Variants in DNAI4 observed in about 807,000 individuals in gnomAD.
The protein encoded by DNAI4 is dynein axonemal intermediate chain 4, also known as WD repeat domain 78.
Under a neutral mutation model 105.8 loss-of-function variants are expected in DNAI4, and 85 were observed. The ratio of observed to expected loss-of-function variants is 0.80; its 90% CI spans 0.67 to 0.96. DNAI4 has a LOEUF of 0.96. Among genes scored for constraint, DNAI4 ranks in the 40% least tolerant of loss-of-function variants. The pLI, the probability that DNAI4 is intolerant of heterozygous loss-of-function variation, is 0.00. For synonymous variants in DNAI4, 352 were observed against 331.5 expected (o/e 1.06, Z -0.67); for missense variants, 1,014 against 1,005.6 (o/e 1.01, Z -0.11).
At chr1:66,916,154 A>G (rs1041466022) in intron 1 of DNAI4, among the ~76,000 whole-genome samples, 2 of 95,310 alleles carry the variant, frequency 2.1e-5, no homozygotes, top group African/African-American at 5.5e-5. Flanking sequence ...GTTGTTTAAG[A>G]AGGAGGGATG....
intron 1 of DNAI4, among the ~76,000 whole-genome samples, chr1:66,908,374 T>G (rs1649413033): frequency 6.6e-6 from 1 of 152,134 alleles, no homozygotes; most frequent in South Asian, 2.1e-4. Context: ...TCCACACCAT[T>G]ATGGGGTTTT....
chr1:66,900,687 T>C (rs1241884117), intron 2 of DNAI4, among the ~76,000 whole-genome samples: 1 of 152,224 alleles, frequency 6.6e-6, no homozygotes. Context: ...TCATTCTTAA[T>C]TTTCAAATGG....
chr1:66,857,534 A>C (rs935592896), intron 7 of DNAI4, among the ~76,000 whole-genome samples: 3 of 151,434 alleles, frequency 2.0e-5, no homozygotes, highest in Admixed American at 1.3e-4. Flanking sequence ...TCTGCCCACA[A>C]ATTTTTTTTT....
intron 4 of DNAI4, among the ~76,000 whole-genome samples, chr1:66,879,807 T>G (rs1251315330): frequency 6.6e-6 from 1 of 152,210 alleles, no homozygotes; most frequent in Non-Finnish European, 1.5e-5. Context: ...GCTTATTATA[T>G]GCCATCTGTA....
At chr1:66,827,109 C>A (rs1346304546) in intron 14 of DNAI4, 63 bp from the exon 15 acceptor site, 1 of 1,383,116 alleles carries the variant, frequency 7.2e-7, no homozygotes, top group African/African-American at 1.5e-5. Flanking sequence ...TAAACTTGAC[C>A]AGCAAATTAA....
At chr1:66,844,784 A>C (rs1350468043) in intron 8 of DNAI4, among the ~76,000 whole-genome samples, 1 of 152,228 alleles carries the variant, frequency 6.6e-6, no homozygotes, top group East Asian at 1.9e-4. Context: ...TCATCAAAAA[A>C]ATTTTAAGAA....
intron 15 of DNAI4, among the ~76,000 whole-genome samples, chr1:66,824,268 T>C (rs1289438573): frequency 3.5e-5 from 5 of 144,450 alleles, no homozygotes; most frequent in Admixed American, 1.4e-4. Context: ...CATTGATCTA[T>C]ATCTCTGTTT....
At chr1:66,863,593 G>A (rs1269366570) in intron 6 of DNAI4, among the ~76,000 whole-genome samples, 1 of 152,054 alleles carries the variant, frequency 6.6e-6, no homozygotes, top group East Asian at 1.9e-4. Flanking sequence ...CCAAGTAGCT[G>A]GGATTACAGG....
At position 66,825,320 on chromosome 1, in the gene DNAI4, C is replaced by A. The variant is rs943516623; in HGVS notation, c.2339+1500G>T. ...TCAGCCTCCCGAGTAGCTGGGACTA[C>A]AGGCGCCCGCCACCGCGCCCGGCTA... On this transcript the variant is annotated intron_variant, in intron 15 of 16. Coordinates refer to ENST00000371026, the MANE Select transcript of DNAI4 (RefSeq NM_024763.5). Among the ~76,000 whole-genome samples the A allele has an allele frequency of 4.6e-5, 7 of 151,578 alleles. No individual in the cohort carries two copies. The East Asian group carries it at 1.4e-3, about 29-fold the overall frequency.
At position 66,827,628 on chromosome 1, in the gene DNAI4, C is replaced by A. The variant is rs536160349; in HGVS notation, c.2112+184G>T. Among the ~76,000 whole-genome samples the A allele has an allele frequency of 2.0e-4, 31 of 152,270 alleles. 1 individual carries two copies. In the East Asian group the frequency reaches 5.8e-3, roughly 28 times the overall value. On this transcript the variant is annotated intron_variant, in intron 14 of 16. Transcript: ENST00000371026. ...ACTTTCAAGAAGAAATCAAGGATAT[C>A]TAGAAGTCAAATAAAATGCCCCGTA...
At chr1:66,907,885 C>T (rs1442834739) in intron 1 of DNAI4, among the ~76,000 whole-genome samples, 1 of 152,172 alleles carries the variant, frequency 6.6e-6, no homozygotes, top group Non-Finnish European at 1.5e-5. Flanking sequence ...AATACCCTCT[C>T]AAACTCCAAT....
chr1:66,827,179 G>A, intron 14 of DNAI4, 133 bp from the exon 15 acceptor site: 1 of 714,184 alleles, frequency 1.4e-6, no homozygotes, highest in Non-Finnish European at 2.3e-6. Flanking sequence ...TATTTTAGTT[G>A]AGAATAAGAT....
At chr1:66,834,282 G>T in intron 11 of DNAI4, 134 bp from the exon 12 acceptor site, 1 of 617,078 alleles carries the variant, frequency 1.6e-6, no homozygotes, top group Non-Finnish European at 2.5e-6. Context: ...TTCAAAAATA[G>T]ACTTTTATTT....
chr1:66,828,953 T>C (rs1271052588), intron 13 of DNAI4, among the ~76,000 whole-genome samples: 1 of 152,188 alleles, frequency 6.6e-6, no homozygotes, highest in African/African-American at 2.4e-5. Flanking sequence ...TCAAGGTCAC[T>C]GTTGAAAGTT....
chr1:66,860,533 G>C (rs1224400245), intron 7 of DNAI4, among the ~76,000 whole-genome samples: 2 of 151,420 alleles, frequency 1.3e-5, no homozygotes, highest in African/African-American at 2.4e-5. Flanking sequence ...CCTAGTTCTA[G>C]TTTCCCCTAC....
rs547787920 is a variant in DNAI4, at chr1:66,857,660, G to A, written c.1096+4487C>T. ...AGCGATTCTCCTGCCTCAGCCTCCCGAATAGCTGGGATTACAGGCATGAAC... is the reference window on the plus strand; with the variant it reads ...AGCGATTCTCCTGCCTCAGCCTCCCAAATAGCTGGGATTACAGGCATGAAC... On this transcript the variant is annotated intron_variant, in intron 7 of 16. Coordinates refer to ENST00000371026, the MANE Select transcript of DNAI4 (RefSeq NM_024763.5). Among the ~76,000 whole-genome samples, 4 of 151,492 alleles carry A rather than the reference G, an allele frequency of 2.6e-5. No individual in the cohort carries two copies. The South Asian group carries it at 6.3e-4, about 24-fold the overall frequency.
At chr1:66,908,035 A>T (rs1459403522) in intron 1 of DNAI4, among the ~76,000 whole-genome samples, 2 of 152,148 alleles carry the variant, frequency 1.3e-5, no homozygotes, top group Non-Finnish European at 2.9e-5. Flanking sequence ...AATTATTATA[A>T]TCATTCTTTA....
chr1:66,852,556 T>G (rs1646418742), intron 7 of DNAI4, among the ~76,000 whole-genome samples: 1 of 150,188 alleles, frequency 6.7e-6, no homozygotes, highest in Non-Finnish European at 1.5e-5. Context: ...GATAAAAGAG[T>G]TCTTCAATAT....
In DNAI4 at chr1:66,858,252, G is replaced by A. The variant is rs572352649; in HGVS notation, c.1096+3895C>T. On this transcript the variant is annotated intron_variant, in intron 7 of 16. Coordinates refer to ENST00000371026, the MANE Select transcript of DNAI4 (RefSeq NM_024763.5). ...CATGAAAGTAATGCAAAAATTGGCC[G>A]GGCGCGGTGGCTCACGCCTGTAATC... Among the ~76,000 whole-genome samples the A allele has an allele frequency of 7.9e-5, 12 of 151,962 alleles. No individual in the cohort carries two copies. The South Asian group carries it at 1.5e-3, about 18-fold the overall frequency.
Sources: allele counts gnomAD v4.1 joint callset (sites outside exome capture counted in the v4.1 genomes callset), GRCh38; gene constraint gnomAD v4.1.1; transcripts MANE v1.5; gene names NCBI Gene and HGNC (gene_info 2026-07-23, HGNC 2026-07-21).